The following RNF175 variants were observed in gnomAD, a reference collection of about 807,000 sequenced individuals.
The protein encoded by RNF175 is ring finger protein 175.
Under a neutral mutation model 50.0 loss-of-function variants are expected in RNF175, and 38 were observed. The ratio of observed to expected loss-of-function variants is 0.76; its 90% CI spans 0.59 to 1.00. The LOEUF (loss-of-function observed/expected upper bound fraction) is 1.00, where lower values mean the gene tolerates loss of function less well. Ranked by LOEUF, RNF175 falls within the 50% of genes least tolerant of loss-of-function variation. The pLI is 0.00. For missense variants in RNF175, 388 were observed against 409.6 expected (o/e 0.95, Z 0.46); for synonymous variants, 155 against 146.1 (o/e 1.06, Z -0.44).
At chr4:153,725,909 G>C (rs1738668333) in intron 4 of RNF175, among the ~76,000 whole-genome samples, 2 of 152,094 alleles carry the variant, frequency 1.3e-5, no homozygotes, top group South Asian at 4.1e-4. Context: ...CTATTTTCAG[G>C]AACAGTAGAG....
chr4:153,739,006 C>T (rs1739502254), intron 3 of RNF175, among the ~76,000 whole-genome samples: 1 of 152,168 alleles, frequency 6.6e-6, no homozygotes, highest in Admixed American at 6.5e-5. Flanking sequence ...ACAGAAATCC[C>T]AATTCCTCCC....
chr4:153,743,913 C>T (rs999740756), intron 3 of RNF175, among the ~76,000 whole-genome samples: 1 of 152,096 alleles, frequency 6.6e-6, no homozygotes, highest in Admixed American at 6.5e-5. Context: ...CCAGTGTAGC[C>T]TGAGTCATCT....
At chr4:153,719,282 A>G (rs1738176826) in intron 6 of RNF175, among the ~76,000 whole-genome samples, 1 of 152,170 alleles carries the variant, frequency 6.6e-6, no homozygotes, top group Non-Finnish European at 1.5e-5. Flanking sequence ...AAAGGACATT[A>G]TCTCATTCTT....
intron 4 of RNF175, among the ~76,000 whole-genome samples, chr4:153,724,246 G>C (rs192632411): frequency 1.3e-4 from 20 of 152,320 alleles, no homozygotes; most frequent in Admixed American, 1.2e-3. Context: ...AAAACTACAA[G>C]AAGGACCATG....
intron 6 of RNF175, among the ~76,000 whole-genome samples, chr4:153,716,242 A>G (rs1244823313): frequency 6.6e-6 from 1 of 152,170 alleles, no homozygotes; most frequent in Admixed American, 6.5e-5. Context: ...TAACCTCCAC[A>G]TTGAGGAATC....
Position 153,723,317 on chromosome 4 carries a change from T to G in RNF175, c.509+34A>C. ...CAGGTGAGTGTGCCAAGCAAGTGCT[T>G]GGAGATATTAATGTCTTAATTGGAG... On this transcript the variant is annotated intron_variant, in intron 5 of 8. Coordinates refer to ENST00000347063, the MANE Select transcript of RNF175 (RefSeq NM_173662.4). 2.7e-5 allele frequency: 28 copies of G among 1,055,528 alleles called. 1 individual carries two copies. Among genetic ancestry groups the G allele is most frequent in the South Asian group, 3.9e-5 (3 of 76,314 alleles). The allele number at this position is 1,055,528 out of a possible 1,614,324, so 65.4% of individuals were successfully genotyped here.
intron 7 of RNF175, chr4:153,714,173 A>G (rs564743672): frequency 6.6e-6 from 1 of 152,364 alleles, no homozygotes; most frequent in Admixed American, 6.5e-5. Context: ...TTCCATTTGC[A>G]AATGGCAGAA....
At chr4:153,720,474 A>G in intron 5 of RNF175, 170 bp from the exon 6 acceptor site, 1 of 572,164 alleles carries the variant, frequency 1.7e-6, no homozygotes, top group Admixed American at 3.1e-5. Flanking sequence ...AATCCTCTGA[A>G]TTTCCCTCAA....
Position 153,710,362 on chromosome 4 carries a change from T to G in RNF175, c.*7A>C. The G allele has an allele frequency of 6.5e-7, 1 of 1,550,014 alleles. No individual in the cohort carries two copies. Among genetic ancestry groups the G allele is most frequent in the Non-Finnish European group, 8.7e-7 (1 of 1,145,110 alleles). ...CATGCAGTATGTTGCTTCTGGGGTC[T>G]GCTGTCCTATTCCAGCCCTAGTGAA... On this transcript the variant is annotated 3_prime_UTR_variant, in exon 9 of 9. Transcript: ENST00000347063.
intron 3 of RNF175, among the ~76,000 whole-genome samples, chr4:153,741,696 GC>G (rs1181952877): frequency 6.6e-6 from 1 of 152,074 alleles, no homozygotes; most frequent in Non-Finnish European, 1.5e-5. Flanking sequence ...TGACTTCCAA[GC>G]TTTTTATATG....
rs188712981 is a variant in RNF175, at chr4:153,724,878, G to A, written c.402-1420C>T. Among the ~76,000 whole-genome samples, 206 of 151,682 alleles carry A rather than the reference G, an allele frequency of 1.4e-3. 2 individuals are homozygous for A. The highest frequency in any genetic ancestry group is 8.2e-3 in the South Asian group (39 of 4,770). ...CACCTACTCCACCAGGTGTGATCCT[G>A]CCCCAGGGGGGAGTAGGCAGGGGTG... On this transcript the variant is annotated intron_variant, in intron 4 of 8. Coordinates refer to ENST00000347063, the MANE Select transcript of RNF175 (RefSeq NM_173662.4).
chr4:153,755,372 C>G (rs1161714160), intron 1 of RNF175, among the ~76,000 whole-genome samples: 1 of 152,270 alleles, frequency 6.6e-6, no homozygotes, highest in Admixed American at 6.5e-5. Context: ...CAGTGCTGTA[C>G]TGTCTCACCT....
intron 1 of RNF175, among the ~76,000 whole-genome samples, chr4:153,752,726 T>C (rs935169318): frequency 6.6e-6 from 1 of 152,178 alleles, no homozygotes; most frequent in African/African-American, 2.4e-5. Flanking sequence ...TCCTCAATAT[T>C]TGAAAGACAA....
intron 3 of RNF175, among the ~76,000 whole-genome samples, chr4:153,746,660 A>C (rs1354653036): frequency 6.6e-6 from 1 of 151,972 alleles, no homozygotes; most frequent in Non-Finnish European, 1.5e-5. Context: ...GTAGTTGTGT[A>C]GTTCTGGGAC....
rs574732391 is a variant in RNF175 at position 153,751,345 on chromosome 4, C to A, written c.104+93G>T. 5.3e-6 allele frequency: 5 copies of A among 940,134 alleles called. No homozygotes were observed. In the South Asian group the frequency reaches 6.1e-5, roughly 11 times the overall value. 58.2% of individuals were successfully genotyped at this position (940,134 alleles called of 1,614,324 possible). ...CATCTTCTCTATCCTGGAAAATTTA[C>A]AAATAAAATGATGACTTCATTCATT... On this transcript the variant is annotated intron_variant, in intron 2 of 8. Coordinates refer to ENST00000347063, the MANE Select transcript of RNF175 (RefSeq NM_173662.4).
In RNF175 at chr4:153,738,606, T is replaced by A. The variant is rs998336771; in HGVS notation, c.246+10039A>T. 5.3e-5 allele frequency among the ~76,000 whole-genome samples: 8 copies of A among 152,350 alleles called. No homozygotes were observed. The East Asian group carries it at 1.5e-3, about 29-fold the overall frequency. ...GTATGGAATATCTTTTTCCAAATCT[T>A]TACTGTTGATATATCTGTAACAACA... On this transcript the variant is annotated intron_variant, in intron 3 of 8. Coordinates refer to ENST00000347063, the MANE Select transcript of RNF175 (RefSeq NM_173662.4).
At chr4:153,716,935 T>C in intron 6 of RNF175, among the ~76,000 whole-genome samples, 1 of 152,226 alleles carries the variant, frequency 6.6e-6, no homozygotes, top group African/African-American at 2.4e-5. Flanking sequence ...TACCTTTGCA[T>C]CAACATGTAG....
intron 3 of RNF175, chr4:153,729,766 C>T: frequency 1.0e-6 from 1 of 984,968 alleles, no homozygotes; most frequent in Non-Finnish European, 1.2e-6. Context: ...GAGTTGTTAT[C>T]ATAGATATGC....
intron 5 of RNF175, among the ~76,000 whole-genome samples, chr4:153,722,561 T>C (rs1200632427): frequency 6.8e-6 from 1 of 146,172 alleles, no homozygotes; most frequent in Non-Finnish European, 1.5e-5. Context: ...CACCTCTGCC[T>C]CCCAAGTAGC....
Sources: allele counts gnomAD v4.1 joint callset (sites outside exome capture counted in the v4.1 genomes callset), GRCh38; gene constraint gnomAD v4.1.1; transcripts MANE v1.5; gene names NCBI Gene and HGNC (gene_info 2026-07-23, HGNC 2026-07-21).